RCBTB1: variants seen among roughly 807,000 people sequenced by gnomAD.
RCBTB1 encodes the protein RCC1 and BTB domain containing protein 1, also known as RCC1 and BTB domain-containing protein 1.
Under a neutral mutation model 62.4 loss-of-function variants are expected in RCBTB1, and 46 were observed. That is an observed-to-expected ratio of 0.74 (90% CI 0.58 to 0.94). The LOEUF is 0.94. Ranked by LOEUF, RCBTB1 falls within the 40% of genes least tolerant of loss-of-function variation. The probability of loss-of-function intolerance (pLI) is 0.00; values close to 1 mark genes in which losing one functional copy is unlikely to be tolerated. For missense variants in RCBTB1, 565 were observed against 654.9 expected (o/e 0.86, Z 1.50); for synonymous variants, 222 against 245.8 (o/e 0.90, Z 0.91).
rs1959632320 is a variant in RCBTB1 at position 49,532,467 on chromosome 13, C to A, written c.*1655G>T. 1 of 152,566 alleles carries A rather than the reference C, an allele frequency of 6.6e-6. No individual in the cohort carries two copies. 9.5% of individuals were successfully genotyped at this position (152,566 alleles called of 1,614,324 possible). A position where few individuals can be genotyped will look rare whatever the true frequency, so the allele number is the denominator to read the frequency against. On this transcript the variant is annotated 3_prime_UTR_variant, in exon 13 of 13. Coordinates refer to ENST00000378302, the MANE Select transcript of RCBTB1 (RefSeq NM_018191.4). ...CCTATAGAACAGTGATTGTTACAAA[C>A]ACCACCCATCATAGCACAAATCAAT...
chr13:49,579,624 GA>G (rs66531473), intron 2 of RCBTB1, among the ~76,000 whole-genome samples: 127,086 of 139,076 alleles, frequency 0.91, 57,940 homozygotes, highest in African/African-American at 0.94. Context: ...ACTTGTCTCA[GA>G]AAAAAAAAAA....
At position 49,534,017 on chromosome 13, in the gene RCBTB1, C is replaced by T; in HGVS notation, c.*105G>A. 2 of 1,250,046 alleles carry T rather than the reference C, an allele frequency of 1.6e-6. No homozygotes were observed. Among genetic ancestry groups the T allele is most frequent in the Non-Finnish European group, 2.2e-6 (2 of 907,572 alleles). The allele number at this position is 1,250,046 out of a possible 1,614,324, so 77.4% of individuals were successfully genotyped here. A position where few individuals can be genotyped will look rare whatever the true frequency, so the allele number is the denominator to read the frequency against. On this transcript the variant is annotated 3_prime_UTR_variant, in exon 13 of 13. Transcript: ENST00000378302. ...TGTCCCAGATGTGGAAAAAAACAAC[C>T]TGATGGTCTTTTACCTGCAGAATCA...
intron 1 of RCBTB1, among the ~76,000 whole-genome samples, chr13:49,584,417 T>G (rs545461089): frequency 6.6e-6 from 1 of 152,344 alleles, no homozygotes; most frequent in African/African-American, 2.4e-5. Flanking sequence ...AACTGTTATA[T>G]TAATAGAATC....
rs148226814 is a variant in RCBTB1, at chr13:49,564,971, T to C, written c.277+1647A>G. ...CATTGCAGAACAAAGACCAGTGAGC[T>C]ATTAAGGAATAGGATTGCAGCTGTC... is the stretch of plus-strand genomic sequence containing the variant. On this transcript the variant is annotated intron_variant, in intron 4 of 12. Transcript: ENST00000378302. 3.9e-3 allele frequency among the ~76,000 whole-genome samples: 596 copies of C among 151,268 alleles called. 1 individual carries two copies. Among genetic ancestry groups the C allele is most frequent in the Middle Eastern group, 0.01 (3 of 294 alleles).
chr13:49,574,275 C>G (rs1261684712), intron 2 of RCBTB1, among the ~76,000 whole-genome samples: 5 of 147,034 alleles, frequency 3.4e-5, no homozygotes, highest in African/African-American at 7.6e-5. Context: ...TGCACCACCA[C>G]GCCTGGCTAA....
At chr13:49,560,414 G>C (rs995346396) in intron 4 of RCBTB1, among the ~76,000 whole-genome samples, 1 of 152,130 alleles carries the variant, frequency 6.6e-6, no homozygotes, top group Non-Finnish European at 1.5e-5. Flanking sequence ...CCAAGAAAAA[G>C]GCAGATGATA....
intron 9 of RCBTB1, among the ~76,000 whole-genome samples, chr13:49,549,026 G>A (rs1379511530): frequency 7.5e-6 from 1 of 133,546 alleles, no homozygotes; most frequent in Admixed American, 7.0e-5. Flanking sequence ...TTACTACTTG[G>A]GAGGCTGAGG....
intron 3 of RCBTB1, 21 bp downstream of exon 3, chr13:49,567,133 T>G: frequency 1.9e-6 from 3 of 1,611,846 alleles, no homozygotes; most frequent in Non-Finnish European, 2.5e-6. Flanking sequence ...AAAACGAAAC[T>G]AGGTTTCAAG....
At chr13:49,565,414 T>C (rs1427892655) in intron 4 of RCBTB1, among the ~76,000 whole-genome samples, 1 of 152,080 alleles carries the variant, frequency 6.6e-6, no homozygotes, top group Non-Finnish European at 1.5e-5. Flanking sequence ...GTGCCGAGAT[T>C]GCAGCCTCTG....
intron 9 of RCBTB1, chr13:49,546,848 C>A (rs1405719795): frequency 6.7e-6 from 4 of 595,374 alleles, no homozygotes; most frequent in African/African-American, 2.0e-5. Flanking sequence ...TCCTGCCGTG[C>A]AACCCAGTTA....
At chr13:49,568,326 G>C (rs998754480) in intron 2 of RCBTB1, among the ~76,000 whole-genome samples, 1 of 152,088 alleles carries the variant, frequency 6.6e-6, no homozygotes, top group Non-Finnish European at 1.5e-5. Context: ...CCAGTCTTTT[G>C]CTAGAACAAT....
At chr13:49,536,788 T>C (rs1959975670) in intron 12 of RCBTB1, among the ~76,000 whole-genome samples, 1 of 152,208 alleles carries the variant, frequency 6.6e-6, no homozygotes, top group African/African-American at 2.4e-5. Context: ...GCAGAACAAT[T>C]ATAAAGTGTT....
intron 2 of RCBTB1, among the ~76,000 whole-genome samples, chr13:49,579,058 A>G (rs762228869): frequency 6.6e-6 from 1 of 152,226 alleles, no homozygotes; most frequent in African/African-American, 2.4e-5. Context: ...AATTTCTTAC[A>G]TATAATTCTG....
rs1295977630 is a variant in RCBTB1, at chr13:49,533,900, C to A, written c.*222G>T. The A allele has an allele frequency of 2.4e-6, 1 of 419,634 alleles. No individual in the cohort carries two copies. Among genetic ancestry groups the A allele is most frequent in the Admixed American group, 3.9e-5 (1 of 25,602 alleles). The allele number at this position is 419,634 out of a possible 1,614,324, so 26.0% of individuals were successfully genotyped here. ...TCCAGCCCAAATTTACGAAAGGTCA[C>A]ATTTAAAATACACTTATCTGGAAAC... On this transcript the variant is annotated 3_prime_UTR_variant, in exon 13 of 13. Coordinates refer to ENST00000378302, the MANE Select transcript of RCBTB1 (RefSeq NM_018191.4).
intron 5 of RCBTB1, among the ~76,000 whole-genome samples, chr13:49,559,604 A>C (rs7337705): frequency 2.7e-5 from 4 of 148,112 alleles, no homozygotes; most frequent in Non-Finnish European, 5.9e-5. Flanking sequence ...TGCAGTGAGC[A>C]GAGATCGTGC....
chr13:49,566,891 T>A, intron 3 of RCBTB1, 123 bp from the exon 4 acceptor site: 1 of 982,670 alleles, frequency 1.0e-6, no homozygotes, highest in Non-Finnish European at 1.5e-6. Flanking sequence ...GAGACTGATA[T>A]GGTTGTTAAG....
intron 12 of RCBTB1, among the ~76,000 whole-genome samples, chr13:49,534,544 G>A (rs1409454880): frequency 1.3e-5 from 2 of 151,956 alleles, no homozygotes; most frequent in Admixed American, 6.6e-5. Context: ...GATCTACAAG[G>A]GAAAGAATTT....
chr13:49,552,330 G>T, intron 6 of RCBTB1, 45 bp from the exon 7 acceptor site: 3 of 1,319,570 alleles, frequency 2.3e-6, no homozygotes, highest in Non-Finnish European at 2.1e-6. Context: ...TAAACTGCTG[G>T]TAAGAAGGAA....
intron 5 of RCBTB1, among the ~76,000 whole-genome samples, chr13:49,557,767 T>C (rs545042240): frequency 7.5e-6 from 1 of 133,100 alleles, no homozygotes; most frequent in Admixed American, 7.1e-5. Context: ...CAAAAAAAAA[T>C]TTTTTTTTTA....
Sources: gnomAD v4.1 joint callset for allele counts (sites outside exome capture counted in the v4.1 genomes callset) on GRCh38, gnomAD v4.1.1 for gene constraint, MANE v1.5 for transcripts, NCBI Gene and HGNC (gene_info 2026-07-23, HGNC 2026-07-21) for gene names.